ZBTB16: variants seen among roughly 807,000 people sequenced by gnomAD.
ZBTB16 encodes zinc finger and BTB domain containing 16.
In ZBTB16, 8 loss-of-function variants were observed where a neutral mutation model predicts 56.8. The observed-to-expected ratio is 0.14, with a 90% CI of 0.08 to 0.25. ZBTB16 has a LOEUF of 0.25. ZBTB16 is among the 10% of genes least tolerant of loss of function. The pLI is 1.00. For missense variants in ZBTB16, 625 were observed against 903.0 expected, an observed-to-expected ratio of 0.69 and a Z score of 3.95; for synonymous variants, 363 against 368.5, an observed-to-expected ratio of 0.98 and a Z score of 0.17.
Position 114,072,394 on chromosome 11 carries a change from C to T in ZBTB16, c.1268+7826C>T, listed in dbSNP as rs535655850. Among the ~76,000 whole-genome samples, 28 of 152,304 alleles carry T rather than the reference C, an allele frequency of 1.8e-4. No individual in the cohort carries two copies. In the South Asian group the frequency reaches 5.2e-3, roughly 28 times the overall value. On this transcript the variant is annotated intron_variant, in intron 2 of 6. Transcript: ENST00000335953. ...CTCCACTGCCATCGGGTCCAAATGC[C>T]GGGGAGGCTCACTGATGCGGTGTCC...
intron 2 of ZBTB16, among the ~76,000 whole-genome samples, chr11:114,085,448 T>A (rs1004688278): frequency 3.9e-5 from 6 of 152,144 alleles, no homozygotes; most frequent in Admixed American, 1.3e-4. Context: ...AATTAATAAA[T>A]CCCTGTAAGA....
intron 4 of ZBTB16, chr11:114,187,359 A>ACTG: frequency 2.6e-6 from 1 of 381,454 alleles, no homozygotes; most frequent in Non-Finnish European, 4.9e-6. Flanking sequence ...CTGTGTTGTT[A>ACTG]TCAAAACATC....
intron 2 of ZBTB16, among the ~76,000 whole-genome samples, chr11:114,128,602 C>A (rs1159113263): frequency 6.6e-6 from 1 of 152,188 alleles, no homozygotes; most frequent in Non-Finnish European, 1.5e-5. Flanking sequence ...TTATTAGCAC[C>A]TGGCACACAG....
chr11:114,173,759 A>C (rs1943033898), intron 3 of ZBTB16, among the ~76,000 whole-genome samples: 1 of 152,192 alleles, frequency 6.6e-6, no homozygotes, highest in Non-Finnish European at 1.5e-5. Context: ...AGATGTAATC[A>C]AAGGACTTTT....
rs143158367 is a variant in ZBTB16 at position 114,155,005 on chromosome 11, G to A, written c.1269-1332G>A. On this transcript the variant is annotated intron_variant, in intron 2 of 6. Transcript: ENST00000335953. ...CTCATTCTGGGACTTGGAAGGGTGG[G>A]TGGCTCGGTTTTGCTACCATCTAGA... Among the ~76,000 whole-genome samples the A allele has an allele frequency of 3.7e-3, 559 of 151,880 alleles. 1 individual carries two copies. The highest frequency in any genetic ancestry group is 6.3e-3 in the Non-Finnish European group (430 of 68,010).
intron 5 of ZBTB16, among the ~76,000 whole-genome samples, chr11:114,245,384 C>T (rs530584881): frequency 7.9e-5 from 12 of 152,328 alleles, no homozygotes; most frequent in East Asian, 5.8e-4. Flanking sequence ...TCATCTGATT[C>T]CCTGATGGAA....
intron 2 of ZBTB16, among the ~76,000 whole-genome samples, chr11:114,080,464 C>CTCTG (rs997894437): frequency 1.3e-5 from 2 of 151,824 alleles, no homozygotes; most frequent in Admixed American, 6.5e-5. Context: ...CTCTCTCTCT[C>CTCTG]TCTGCATTAT....
Position 114,060,937 on chromosome 11 carries a change from T to G in ZBTB16, c.-91+1055T>G, listed in dbSNP as rs919485201. ...ACAACTCGCTGCGGGGCTTTTGTGC[T>G]TCCCCTTCGCCGCGGGGCGGGTCCG... On this transcript the variant is annotated intron_variant, in intron 1 of 6. Coordinates refer to ENST00000335953, the MANE Select transcript of ZBTB16 (RefSeq NM_006006.6). The surrounding 1 kb of genome is among the most constrained non-coding windows in gnomAD (Gnocchi z 6.0). Among the ~76,000 whole-genome samples the G allele has an allele frequency of 2.9e-4, 44 of 152,074 alleles. No individual in the cohort carries two copies. The highest frequency in any genetic ancestry group is 1.3e-4 in the Non-Finnish European group (9 of 67,980).
intron 2 of ZBTB16, among the ~76,000 whole-genome samples, chr11:114,125,377 G>A (rs1172613752): frequency 6.6e-6 from 1 of 152,094 alleles, no homozygotes; most frequent in African/African-American, 2.4e-5. Flanking sequence ...CTATGTAACC[G>A]TAGAGCAGCC....
At chr11:114,167,386 GT>G (rs200403454) in intron 3 of ZBTB16, among the ~76,000 whole-genome samples, 46,457 of 94,504 alleles carry the variant, frequency 0.49, 8,288 homozygotes, top group Middle Eastern at 0.58. Context: ...GAGTTTTTTT[GT>G]TTTTTTTTTT....
chr11:114,069,321 G>A (rs774036496), intron 2 of ZBTB16, among the ~76,000 whole-genome samples: 22 of 152,182 alleles, frequency 1.4e-4, no homozygotes, highest in Non-Finnish European at 2.4e-4. Context: ...TCCTGAACTC[G>A]TGATCCACCT....
intron 4 of ZBTB16, chr11:114,210,846 C>G (rs565989693): frequency 9.4e-6 from 2 of 211,944 alleles, no homozygotes; most frequent in Non-Finnish European, 1.9e-5. Flanking sequence ...GATGTAAAAA[C>G]TCTTTCTCCT....
intron 4 of ZBTB16, among the ~76,000 whole-genome samples, chr11:114,240,758 A>G (rs1449657055): frequency 6.6e-6 from 1 of 152,184 alleles, no homozygotes; most frequent in Non-Finnish European, 1.5e-5. Context: ...GATTGGTAAC[A>G]AACAGAAAAT....
chr11:114,086,716 G>A (rs1053503436), intron 2 of ZBTB16, among the ~76,000 whole-genome samples: 4 of 152,180 alleles, frequency 2.6e-5, no homozygotes, highest in Non-Finnish European at 4.4e-5. Flanking sequence ...GGTGCTTTCA[G>A]AGTTATTCTC....
chr11:114,094,686 A>G (rs1940314697), intron 2 of ZBTB16, among the ~76,000 whole-genome samples: 1 of 152,220 alleles, frequency 6.6e-6, no homozygotes, highest in South Asian at 2.1e-4. Context: ...CTTGTTGTGG[A>G]TGGATGTGGC....
intron 5 of ZBTB16, 185 bp from the exon 6 acceptor site, chr11:114,247,013 G>C (rs1944828854): frequency 7.1e-6 from 5 of 709,036 alleles, no homozygotes; most frequent in African/African-American, 1.8e-5. Context: ...AGTAAAGTAT[G>C]GTCATGTGTG....
At position 114,255,863 on chromosome 11, in the gene ZBTB16, T is replaced by A. The variant is rs1944997605; in HGVS notation, c.*5308T>A. On this transcript the variant is annotated 3_prime_UTR_variant, in exon 7 of 7. Coordinates refer to ENST00000335953, the MANE Select transcript of ZBTB16 (RefSeq NM_006006.6). Reference sequence around the variant, plus strand: ...ATCCTACTAACAGTAGATTTTTTTGTAGTGAACATTTTTTGTATTTTTATT... The same window carrying A: ...ATCCTACTAACAGTAGATTTTTTTGAAGTGAACATTTTTTGTATTTTTATT... Among the ~76,000 whole-genome samples, 1 of 152,168 alleles carries A rather than the reference T, an allele frequency of 6.6e-6. No homozygotes were observed. Among genetic ancestry groups the A allele is most frequent in the Non-Finnish European group, 1.5e-5 (1 of 68,034 alleles).
At chr11:114,119,190 G>A (rs1447954066) in intron 2 of ZBTB16, among the ~76,000 whole-genome samples, 2 of 142,174 alleles carry the variant, frequency 1.4e-5, no homozygotes, top group Non-Finnish European at 3.0e-5. Flanking sequence ...GCTTGAACCT[G>A]AGAGGCAGAG....
At chr11:114,213,100 G>A (rs1944028296) in intron 4 of ZBTB16, among the ~76,000 whole-genome samples, 1 of 151,934 alleles carries the variant, frequency 6.6e-6, no homozygotes, top group East Asian at 1.9e-4. Flanking sequence ...GCTGTGACTG[G>A]CCAGGACACC....
Sources: gnomAD v4.1 joint callset for allele counts (sites outside exome capture counted in the v4.1 genomes callset) on GRCh38, gnomAD v4.1.1 for gene constraint, Gnocchi (gnomAD v3.1) non-coding constraint, MANE v1.5 for transcripts, NCBI Gene and HGNC (gene_info 2026-07-23, HGNC 2026-07-21) for gene names.